Variants in PI16 observed in about 807,000 individuals in gnomAD.
The protein encoded by PI16 is peptidase inhibitor 16.
Under a neutral mutation model 38.0 loss-of-function variants are expected in PI16, and 35 were observed. That is an observed-to-expected ratio of 0.92 (90% CI 0.70 to 1.22). The LOEUF is 1.22. Ranked by LOEUF, PI16 falls within the 50% of genes most tolerant of loss-of-function variation. The pLI is 0.00. For synonymous variants in PI16, 275 were observed against 252.9 expected, an observed-to-expected ratio of 1.09 and a Z score of -0.83; for missense variants, 572 against 593.8, an observed-to-expected ratio of 0.96 and a Z score of 0.38.
At chr6:36,949,609 C>T (rs779668216) in intron 1 of PI16, among the ~76,000 whole-genome samples, 2 of 152,174 alleles carry the variant, frequency 1.3e-5, no homozygotes, top group African/African-American at 2.4e-5. Context: ...TCTCAAATAG[C>T]GTCCCTTTCT....
intron 1 of PI16, among the ~76,000 whole-genome samples, chr6:36,958,840 T>C (rs969613817): frequency 1.2e-4 from 18 of 152,248 alleles, no homozygotes; most frequent in African/African-American, 3.9e-4. Context: ...CACATGAGGC[T>C]TTTAATAATA....
Position 36,963,931 on chromosome 6 carries a change from C to A in PI16, c.1379C>A (p.Ala460Asp), listed in dbSNP as rs1763444911. The A allele has an allele frequency of 6.2e-7, 1 of 1,613,012 alleles. No homozygotes were observed. Among genetic ancestry groups the A allele is most frequent in the Non-Finnish European group, 8.5e-7 (1 of 1,179,594 alleles). The part of the protein sequence containing the change: ...GLLLLPPLVL[A>D]GIF ...CTGCTCCTGCCTCCTCTGGTGTTGG[C>A]TGGAATCTTCTGAAGGGGATACCAC... The change falls in exon 6 of 7, where the codon GCT becomes GAT. Residue 460 changes from alanine to aspartate, a missense_variant. Transcript: ENST00000373674.
At chr6:36,964,076 C>T (rs1763448568) in intron 6 of PI16, 114 bp downstream of exon 6, 1 of 1,290,822 alleles carries the variant, frequency 7.7e-7, no homozygotes, top group Admixed American at 2.6e-5. Context: ...AGCCCCCCTT[C>T]ACCCCAACTT....
rs993510440 is a variant in PI16, at chr6:36,959,267, C to G, written c.294C>G (p.Asp98Glu). ...TCGCCATCACAGACGAGGGCATGGA[C>G]GTGCCGCTGGCCATGGAGGAGTGGC... ...NLFAITDEGM[D>E]VPLAMEEWHH... The change falls in exon 2 of 7, where the codon GAC becomes GAG. Residue 98 changes from aspartate to glutamate, a missense_variant. Asp to Glu is a conservative substitution (Grantham distance 45, BLOSUM62 2). Coordinates refer to ENST00000373674, the MANE Select transcript of PI16 (RefSeq NM_153370.3). 2 of 1,602,840 alleles carry G rather than the reference C, an allele frequency of 1.2e-6. No individual in the cohort carries two copies. The highest frequency in any genetic ancestry group is 2.2e-5 in the South Asian group (2 of 89,018).
chr6:36,962,966 T>C lies in PI16; in HGVS notation c.624T>C (p.Asp208=). The change falls in exon 5 of 7, where the codon GAT becomes GAC. Residue 208 remains aspartate, a synonymous_variant. Transcript: ENST00000373674. This position sits in a 1 kb window ranked among gnomAD's most constrained non-coding sequence, Gnocchi z 4.1. The stretch of plus-strand genomic sequence containing the variant: ...TCGGAAGCCCGGAAGATGCTCAGGA[T>C]TTGCCTTACCTGGTAACTGAGGCCC... ...EPIGSPEDAQ[D]LPYLVTEAPS... 1 of 1,614,008 alleles carries C rather than the reference T, an allele frequency of 6.2e-7. No individual in the cohort carries two copies. The highest frequency in any genetic ancestry group is 8.5e-7 in the Non-Finnish European group (1 of 1,179,934).
chr6:36,949,528 C>T (rs1763067083), intron 1 of PI16, among the ~76,000 whole-genome samples: 1 of 152,148 alleles, frequency 6.6e-6, no homozygotes, highest in African/African-American at 2.4e-5. Flanking sequence ...ACCTGAACAC[C>T]CTGGGACAGC....
chr6:36,964,061 C>T (rs1000627460), intron 6 of PI16, 99 bp downstream of exon 6: 304 of 1,375,256 alleles, frequency 2.2e-4, no homozygotes, highest in Non-Finnish European at 2.9e-4. Flanking sequence ...GCTCTGTGGC[C>T]CAGCAGCCCC....
chr6:36,961,428 C>A, intron 2 of PI16, 23 bp from the exon 3 acceptor site: 2 of 1,604,290 alleles, frequency 1.2e-6, no homozygotes, highest in South Asian at 1.1e-5. Context: ...TGGGGCTGAG[C>A]TGCTAGGTTT....
At chr6:36,957,873 C>T (rs1391704386) in intron 1 of PI16, among the ~76,000 whole-genome samples, 2 of 152,248 alleles carry the variant, frequency 1.3e-5, no homozygotes, top group African/African-American at 4.8e-5. Flanking sequence ...CACTTACAGT[C>T]CAGCCCGGCA....
chr6:36,959,867 C>CA (rs3997728), intron 2 of PI16, among the ~76,000 whole-genome samples: 2,090 of 118,346 alleles, frequency 0.018, 33 homozygotes, highest in South Asian at 0.038. Context: ...GGCCCTGTCT[C>CA]AAAAAAAAAA....
chr6:36,948,933 T>C (rs899928530), intron 1 of PI16, among the ~76,000 whole-genome samples: 1 of 151,770 alleles, frequency 6.6e-6, no homozygotes, highest in Non-Finnish European at 1.5e-5. Flanking sequence ...TAGCTGGGAC[T>C]ACAGGCGTGT....
At chr6:36,951,800 T>G (rs1763104175), upstream of PI16, among the ~76,000 whole-genome samples, 1 of 151,848 alleles carries the variant, frequency 6.6e-6, no homozygotes. Context: ...CTTGGGAGGC[T>G]GAGGTGGGAG....
chr6:36,961,796 C>T (rs1180180936), intron 3 of PI16, 90 bp from the exon 4 acceptor site: 7 of 1,167,024 alleles, frequency 6.0e-6, no homozygotes, highest in African/African-American at 1.5e-5. Flanking sequence ...GACCCAAGGG[C>T]ATTTCCAGAG....
Position 36,961,885 on chromosome 6 carries a change from G to C in PI16, c.504-1G>C. 6.2e-7 allele frequency: 1 copy of C among 1,613,658 alleles called. No individual in the cohort carries two copies. The highest frequency in any genetic ancestry group is 8.5e-7 in the Non-Finnish European group (1 of 1,179,630). On this transcript the variant is annotated splice_acceptor_variant, in intron 3 of 6. Transcript: ENST00000373674. LOFTEE classifies it high-confidence loss of function. ...CGCAGCATCCTCCTGACCTCCTGTA[G>C]GGGGAACGTGAAGGGGAAACGGCCC...
chr6:36,960,770 C>T (rs1366303144), intron 2 of PI16, among the ~76,000 whole-genome samples: 1 of 151,882 alleles, frequency 6.6e-6, no homozygotes, highest in African/African-American at 2.4e-5. Flanking sequence ...ACTCTGGAGT[C>T]GTTTCTGCCC....
chr6:36,953,452 A>G (rs796397393), upstream of PI16, among the ~76,000 whole-genome samples: 5 of 152,192 alleles, frequency 3.3e-5, no homozygotes, highest in African/African-American at 7.2e-5. Flanking sequence ...ATTAGTGTAT[A>G]GAAACAACTA....
rs1583237654 is a variant in PI16, at chr6:36,962,108, G to A, written c.592+134G>A. 4 of 638,826 alleles carry A rather than the reference G, an allele frequency of 6.3e-6. No individual in the cohort carries two copies. The highest frequency in any genetic ancestry group is 2.7e-5 in the East Asian group (1 of 36,426). The allele number at this position is 638,826 out of a possible 1,614,324, so 39.6% of individuals were successfully genotyped here. ...GCCTGGTGGGATGCGACCACCGGGGGCCCCTGGCGGCTCCCTTAGCCCCCC... is the reference window on the plus strand; with the variant it reads ...GCCTGGTGGGATGCGACCACCGGGGACCCCTGGCGGCTCCCTTAGCCCCCC... On this transcript the variant is annotated intron_variant, in intron 4 of 6. Coordinates refer to ENST00000373674, the MANE Select transcript of PI16 (RefSeq NM_153370.3). The surrounding 1 kb of genome is among the most constrained non-coding windows in gnomAD (Gnocchi z 4.1).
At chr6:36,952,958 T>C (rs933061036), upstream of PI16, among the ~76,000 whole-genome samples, 11 of 152,216 alleles carry the variant, frequency 7.2e-5, no homozygotes, top group Admixed American at 7.2e-4. Context: ...TTTATTTGTG[T>C]CTTCTTTCAC....
At chr6:36,956,680 T>C (rs757695259) in intron 1 of PI16, among the ~76,000 whole-genome samples, 39 of 152,212 alleles carry the variant, frequency 2.6e-4, no homozygotes, top group Non-Finnish European at 5.1e-4. Context: ...TGTGCCTCAG[T>C]CTCCTCATCT....
Sources: gnomAD v4.1 joint callset for allele counts (sites outside exome capture counted in the v4.1 genomes callset) on GRCh38, gnomAD v4.1.1 for gene constraint, Gnocchi (gnomAD v3.1) non-coding constraint, MANE v1.5 for transcripts, NCBI Gene and HGNC (gene_info 2026-07-23, HGNC 2026-07-21) for gene names.